Variants in MYO6 observed in about 807,000 individuals in gnomAD.
MYO6 encodes myosin VI.
In MYO6, 74 loss-of-function variants were observed where a neutral mutation model predicts 178.7. The ratio of observed to expected loss-of-function variants is 0.41; its 90% CI spans 0.34 to 0.50. The LOEUF is 0.50. MYO6 is among the 20% of genes least tolerant of loss of function. The pLI, the probability that MYO6 is intolerant of heterozygous loss-of-function variation, is 0.09. For missense variants in MYO6, 1,330 were observed against 1,547.4 expected (o/e 0.86, Z 2.36); for synonymous variants, 477 against 504.6 (o/e 0.95, Z 0.73).
intron 7 of MYO6, among the ~76,000 whole-genome samples, chr6:75,840,040 TTTC>T (rs1417391375): frequency 1.3e-5 from 2 of 152,132 alleles, no homozygotes; most frequent in Admixed American, 1.3e-4. Flanking sequence ...ACATTTATAT[TTTC>T]TTGTTATATA....
At chr6:75,817,473 T>C in intron 1 of MYO6, 28 bp from the exon 2 acceptor site, 1 of 1,098,362 alleles carries the variant, frequency 9.1e-7, no homozygotes, top group Admixed American at 1.7e-5. Flanking sequence ...AACTGATTCA[T>C]GTTGCTGTAT....
intron 7 of MYO6, among the ~76,000 whole-genome samples, chr6:75,837,069 A>G (rs111653842): frequency 1.6e-3 from 251 of 152,146 alleles, no homozygotes; most frequent in African/African-American, 6.0e-3. Flanking sequence ...TAGTTCTTTG[A>G]GCTGTCTTAA....
At chr6:75,862,419 G>A (rs1355136495) in intron 15 of MYO6, among the ~76,000 whole-genome samples, 177 bp from the exon 16 acceptor site, 1 of 151,734 alleles carries the variant, frequency 6.6e-6, no homozygotes, top group Non-Finnish European at 1.5e-5. Context: ...TTTTATAAAC[G>A]GCCAGATTTG....
chr6:75,853,362 C>T (rs969995794), intron 11 of MYO6, among the ~76,000 whole-genome samples: 10 of 151,864 alleles, frequency 6.6e-5, no homozygotes, highest in Admixed American at 5.2e-4. Context: ...TCTGTTTTTT[C>T]TTTTATTGCT....
At chr6:75,844,045 A>C (rs1393375317) in intron 9 of MYO6, among the ~76,000 whole-genome samples, 1 of 152,200 alleles carries the variant, frequency 6.6e-6, no homozygotes, top group African/African-American at 2.4e-5. Flanking sequence ...CTTTCTGATC[A>C]GATTTGCCCA....
intron 1 of MYO6, among the ~76,000 whole-genome samples, chr6:75,753,473 A>G (rs1051634310): frequency 1.3e-5 from 2 of 150,060 alleles, no homozygotes; most frequent in African/African-American, 4.9e-5. Flanking sequence ...ATATATATAT[A>G]TATATATGTT....
chr6:75,817,506 A>G lies in MYO6; in HGVS notation c.-42A>G. ...TATTTGTTCCTTTGAAACAGGTGACAGTGGATAGTGGAAACAGGAGATCGT... is the reference window on the plus strand; with the variant it reads ...TATTTGTTCCTTTGAAACAGGTGACGGTGGATAGTGGAAACAGGAGATCGT... On this transcript the variant is annotated 5_prime_UTR_variant, in exon 2 of 35. Transcript: ENST00000369977. 2 of 1,438,662 alleles carry G rather than the reference A, an allele frequency of 1.4e-6. No individual in the cohort carries two copies. The highest frequency in any genetic ancestry group is 2.0e-6 in the Non-Finnish European group (2 of 1,019,978). 89.1% of individuals were successfully genotyped at this position (1,438,662 alleles called of 1,614,324 possible). A position where few individuals can be genotyped will look rare whatever the true frequency, so the allele number is the denominator to read the frequency against.
chr6:75,807,663 A>G (rs1770235457), intron 1 of MYO6, among the ~76,000 whole-genome samples: 1 of 152,236 alleles, frequency 6.6e-6, no homozygotes, highest in South Asian at 2.1e-4. Context: ...TTATTTAGAA[A>G]GTAAAGGAAT....
intron 1 of MYO6, among the ~76,000 whole-genome samples, chr6:75,811,938 G>A (rs549151671): frequency 3.9e-5 from 6 of 152,264 alleles, no homozygotes; most frequent in Non-Finnish European, 8.8e-5. Flanking sequence ...GATAAAAATC[G>A]AAGAGGTTAA....
chr6:75,767,959 G>C (rs1023218187), intron 1 of MYO6: 1 of 152,124 alleles, frequency 6.6e-6, no homozygotes, highest in African/African-American at 2.4e-5. Flanking sequence ...TGCCCAGGTT[G>C]GTCTTAACTC....
intron 1 of MYO6, among the ~76,000 whole-genome samples, chr6:75,753,559 T>C (rs950510079): frequency 6.6e-6 from 1 of 151,624 alleles, no homozygotes; most frequent in Non-Finnish European, 1.5e-5. Context: ...TCTCCCAGGC[T>C]CAAGTGACAC....
rs946013968 is a variant in MYO6 at position 75,916,563 on chromosome 6, G to A, written c.*1551G>A. On this transcript the variant is annotated 3_prime_UTR_variant, in exon 35 of 35. Transcript: ENST00000369977. ...CTCGGGTCATTTCGTCCCTGTGATT[G>A]GGGACAGAAGGTGTAGCTACTGAAG... is the stretch of plus-strand genomic sequence containing the variant. 1.3e-5 allele frequency: 2 copies of A among 152,570 alleles called. No homozygotes were observed. Among genetic ancestry groups the A allele is most frequent in the African/African-American group, 4.8e-5 (2 of 41,422 alleles). 9.5% of individuals were successfully genotyped at this position (152,570 alleles called of 1,614,324 possible).
intron 12 of MYO6, among the ~76,000 whole-genome samples, chr6:75,855,585 T>A: frequency 6.6e-6 from 1 of 152,240 alleles, no homozygotes; most frequent in East Asian, 1.9e-4. Flanking sequence ...TTAAAAGTAA[T>A]TTTTTTATGC....
intron 1 of MYO6, among the ~76,000 whole-genome samples, chr6:75,759,820 T>C (rs1777793673): frequency 6.6e-6 from 1 of 152,200 alleles, no homozygotes; most frequent in African/African-American, 2.4e-5. Flanking sequence ...TGAACAATTA[T>C]TTTAGGAAAT....
At chr6:75,857,380 C>A in intron 13 of MYO6, 126 bp downstream of exon 13, 1 of 949,996 alleles carries the variant, frequency 1.1e-6, no homozygotes, top group Admixed American at 2.0e-5. Flanking sequence ...TATGTCCACA[C>A]TCACATTTCA....
At chr6:75,781,527 C>CA (rs1562148136) in intron 1 of MYO6, among the ~76,000 whole-genome samples, 4 of 152,132 alleles carry the variant, frequency 2.6e-5, no homozygotes, top group African/African-American at 4.8e-5. Flanking sequence ...ATGGAGTTGA[C>CA]ACGTTGATCT....
At chr6:75,894,640 GT>G (rs777914906) in intron 28 of MYO6, among the ~76,000 whole-genome samples, 1 of 152,142 alleles carries the variant, frequency 6.6e-6, no homozygotes, top group Non-Finnish European at 1.5e-5. Context: ...GTTTTTGAAT[GT>G]TTATTTTACC....
intron 1 of MYO6, among the ~76,000 whole-genome samples, chr6:75,777,279 A>T (rs1177197374): frequency 6.6e-6 from 1 of 152,196 alleles, no homozygotes; most frequent in Non-Finnish European, 1.5e-5. Flanking sequence ...AGTGATAAAG[A>T]TGGATCACTT....
rs144619462 is a variant in MYO6 at position 75,898,307 on chromosome 6, A to T, written c.3138-66A>T. ...ATATATATTTTAATTATACTTTTAG[A>T]TCTTTTAATTAATTTATGTAGTATG... On this transcript the variant is annotated intron_variant, in intron 29 of 34. Coordinates refer to ENST00000369977, the MANE Select transcript of MYO6 (RefSeq NM_004999.4). 91 of 1,034,412 alleles carry T rather than the reference A, an allele frequency of 8.8e-5. No homozygotes were observed. The African/African-American group carries it at 1.4e-3, about 16-fold the overall frequency. The allele number at this position is 1,034,412 out of a possible 1,614,324, so 64.1% of individuals were successfully genotyped here.
Sources: gnomAD v4.1 joint callset for allele counts (sites outside exome capture counted in the v4.1 genomes callset) on GRCh38, gnomAD v4.1.1 for gene constraint, MANE v1.5 for transcripts, NCBI Gene and HGNC (gene_info 2026-07-23, HGNC 2026-07-21) for gene names.